The following CHST10 variants were observed in gnomAD, a reference collection of about 807,000 sequenced individuals.
CHST10 encodes carbohydrate sulfotransferase 10.
In CHST10, 24 loss-of-function variants were observed where a neutral mutation model predicts 34.7. The ratio of observed to expected loss-of-function variants is 0.69; its 90% CI spans 0.50 to 0.97. The LOEUF (loss-of-function observed/expected upper bound fraction) is 0.97, where lower values mean the gene tolerates loss of function less well. CHST10 is among the 50% of genes least tolerant of loss of function. The pLI, the probability that CHST10 is intolerant of heterozygous loss-of-function variation, is 0.00. For missense variants in CHST10, 402 were observed against 452.1 expected (o/e 0.89, Z 1.00); for synonymous variants, 161 against 169.3 (o/e 0.95, Z 0.38).
At chr2:100,405,759 G>A (rs1034304150) in intron 3 of CHST10, among the ~76,000 whole-genome samples, 8 of 152,170 alleles carry the variant, frequency 5.3e-5, no homozygotes, top group African/African-American at 1.4e-4. Flanking sequence ...GCCAATCCAC[G>A]GCACAAATGA....
At chr2:100,402,461 G>A (rs1274671673) in intron 4 of CHST10, 103 bp downstream of exon 4, 16 of 846,340 alleles carry the variant, frequency 1.9e-5, no homozygotes, top group Non-Finnish European at 2.8e-5. Context: ...AGGCTCTAAC[G>A]CAGACGTGAT....
chr2:100,403,110 T>A (rs537767521), intron 3 of CHST10, among the ~76,000 whole-genome samples: 12 of 152,206 alleles, frequency 7.9e-5, no homozygotes, highest in African/African-American at 2.6e-4. Context: ...AACCAACCAA[T>A]CTAATTAGAA....
intron 2 of CHST10, among the ~76,000 whole-genome samples, chr2:100,409,682 C>T (rs1026778802): frequency 1.3e-5 from 2 of 152,156 alleles, no homozygotes; most frequent in African/African-American, 4.8e-5. Flanking sequence ...CAATGAAGAG[C>T]TCTTCGGGCT....
At chr2:100,403,774 A>G (rs1241597416) in intron 3 of CHST10, among the ~76,000 whole-genome samples, 1 of 152,236 alleles carries the variant, frequency 6.6e-6, no homozygotes, top group Non-Finnish European at 1.5e-5. Context: ...TTGACACTTC[A>G]CAATGGGCTT....
chr2:100,401,945 GT>G (rs1190800990), intron 4 of CHST10, among the ~76,000 whole-genome samples: 24 of 152,166 alleles, frequency 1.6e-4, no homozygotes, highest in African/African-American at 5.8e-4. Context: ...CAGAATGGGG[GT>G]TACGAAGTGA....
intron 3 of CHST10, among the ~76,000 whole-genome samples, chr2:100,405,061 G>A (rs1034128310): frequency 2.0e-5 from 3 of 152,228 alleles, no homozygotes; most frequent in Non-Finnish European, 4.4e-5. Flanking sequence ...CTGCGGGGAT[G>A]AGAACCCGGC....
chr2:100,395,351 G>C (rs1445453862), intron 6 of CHST10, among the ~76,000 whole-genome samples, 158 bp downstream of exon 6: 1 of 152,166 alleles, frequency 6.6e-6, no homozygotes, highest in Non-Finnish European at 1.5e-5. Flanking sequence ...GCGCCGAATG[G>C]GGGGTGTAGC....
intron 2 of CHST10, among the ~76,000 whole-genome samples, chr2:100,410,376 A>G (rs900230969): frequency 6.6e-6 from 1 of 152,240 alleles, no homozygotes; most frequent in Non-Finnish European, 1.5e-5. Flanking sequence ...CACCCAGCAC[A>G]GTCCAGATGC....
At chr2:100,393,823 G>T (rs1674919734) in intron 6 of CHST10, 41 bp from the exon 7 acceptor site, 1 of 1,534,712 alleles carries the variant, frequency 6.5e-7, no homozygotes, top group Non-Finnish European at 8.9e-7. Flanking sequence ...TGATGCCACA[G>T]GAGGTCACAG....
intron 1 of CHST10, chr2:100,416,195 CCT>C (rs1420859042): frequency 3.3e-5 from 5 of 152,258 alleles, no homozygotes; most frequent in East Asian, 3.9e-4. Flanking sequence ...ACCTCTCTCC[CCT>C]GTTTCTATTC....
chr2:100,406,572 G>A lies in CHST10; in HGVS notation c.100+4C>T, dbSNP rs369086215. ...AAATTCGTTCCACCATGAAGCATAC[G>A]TACCATCTGGGTCTTTAAAGGTCAA... On this transcript the variant is annotated splice_donor_region_variant and intron_variant, in intron 3 of 6. Transcript: ENST00000264249. 1.4e-4 allele frequency: 234 copies of A among 1,614,002 alleles called. No individual in the cohort carries two copies. The highest frequency in any genetic ancestry group is 1.9e-4 in the Non-Finnish European group (221 of 1,180,016).
At chr2:100,404,363 G>A (rs1049051224) in intron 3 of CHST10, among the ~76,000 whole-genome samples, 2 of 152,156 alleles carry the variant, frequency 1.3e-5, no homozygotes, top group Non-Finnish European at 2.9e-5. Context: ...ACAGGGCAGG[G>A]AAAGTGCCCC....
At chr2:100,395,070 G>C (rs1339026933) in intron 6 of CHST10, among the ~76,000 whole-genome samples, 1 of 152,172 alleles carries the variant, frequency 6.6e-6, no homozygotes, top group Non-Finnish European at 1.5e-5. Context: ...CCCTGCCCAT[G>C]CTGGATGCAG....
chr2:100,399,103 T>TC lies in CHST10; in HGVS notation c.193-962_193-961insG, dbSNP rs1491164815. On this transcript the variant is annotated intron_variant, in intron 4 of 6. Transcript: ENST00000264249. ...CAGCTGCTACATCTCTCTCTCTCTC[T>TC]TTTTTTTTTTTTTTTTATGAGACGG... 7.7e-3 allele frequency among the ~76,000 whole-genome samples: 336 copies of TC among 43,752 alleles called. 9 individuals carry two copies. The East Asian group carries it at 0.29, about 38-fold the overall frequency. The allele number at this position is 43,752 out of a possible 152,430, so 28.7% of individuals were successfully genotyped here.
At chr2:100,394,406 G>A (rs75657850) in intron 6 of CHST10, among the ~76,000 whole-genome samples, 3,691 of 152,214 alleles carry the variant, frequency 0.024, 169 homozygotes, top group African/African-American at 0.082. Context: ...GTGTGATTAC[G>A]ACAGGCCAGA....
At chr2:100,415,994 G>A (rs1014408510) in intron 1 of CHST10, 1 of 152,174 alleles carries the variant, frequency 6.6e-6, no homozygotes, top group Non-Finnish European at 1.5e-5. Flanking sequence ...AAGTATTTGT[G>A]TATCTAAAAT....
chr2:100,394,726 CTTT>C (rs11345127), intron 6 of CHST10, among the ~76,000 whole-genome samples: 8 of 140,502 alleles, frequency 5.7e-5, no homozygotes, highest in Admixed American at 1.4e-4. Context: ...ACTCCATCTT[CTTT>C]TTTTTTTTTT....
rs114767561 is a variant in CHST10, at chr2:100,402,672, T to C, written c.101-17A>G. The stretch of plus-strand genomic sequence containing the variant: ...CACTGTACACTGGAAGACAGAGAGG[T>C]TGAATGTCTTCTCTAAAAGGAAAAG... On this transcript the variant is annotated splice_polypyrimidine_tract_variant and intron_variant, in intron 3 of 6. Coordinates refer to ENST00000264249, the MANE Select transcript of CHST10 (RefSeq NM_004854.5). The C allele has an allele frequency of 0.016, 25,129 of 1,605,500 alleles. 286 individuals are homozygous for C. Among genetic ancestry groups the C allele is most frequent in the Non-Finnish European group, 0.018 (21,170 of 1,172,462 alleles).
chr2:100,415,028 C>G lies in CHST10; in HGVS notation c.-33+13G>C. On this transcript the variant is annotated intron_variant, in intron 2 of 6. Transcript: ENST00000264249. ...CTCAAATAACTGATGAGCTCACATT[C>G]TCCTTCACGTACCTTCTGCAGCCTG... 3 of 1,301,236 alleles carry G rather than the reference C, an allele frequency of 2.3e-6. No homozygotes were observed. Among genetic ancestry groups the G allele is most frequent in the Non-Finnish European group, 3.0e-6 (3 of 987,442 alleles). The allele number at this position is 1,301,236 out of a possible 1,614,324, so 80.6% of individuals were successfully genotyped here. A position where few individuals can be genotyped will look rare whatever the true frequency, so the allele number is the denominator to read the frequency against.
Sources: allele counts gnomAD v4.1 joint callset (sites outside exome capture counted in the v4.1 genomes callset), GRCh38; gene constraint gnomAD v4.1.1; transcripts MANE v1.5; gene names NCBI Gene and HGNC (gene_info 2026-07-23, HGNC 2026-07-21).